Variants in CADM2 observed in about 807,000 individuals in gnomAD.
The protein encoded by CADM2 is immunoglobulin superfamily member 4D.
In CADM2, 12 loss-of-function variants were observed where a neutral mutation model predicts 49.8. The observed-to-expected ratio is 0.24, with a 90% CI of 0.15 to 0.39. The LOEUF is 0.39. Among genes scored for constraint, CADM2 ranks in the 10% least tolerant of loss-of-function variants. The pLI is 1.00. For missense variants in CADM2, 378 were observed against 492.3 expected (o/e 0.77, Z 2.20); for synonymous variants, 214 against 175.4 (o/e 1.22, Z -1.74).
intron 1 of CADM2, among the ~76,000 whole-genome samples, chr3:85,142,569 T>G (rs2039610296): frequency 6.6e-6 from 1 of 152,210 alleles, no homozygotes; most frequent in South Asian, 2.1e-4. Flanking sequence ...ATTATTTTTA[T>G]TGAAATAGTT....
At chr3:85,913,471 C>T (rs986729530) in intron 6 of CADM2, among the ~76,000 whole-genome samples, 1 of 152,064 alleles carries the variant, frequency 6.6e-6, no homozygotes, top group African/African-American at 2.4e-5. Context: ...TACATTAAAT[C>T]CTAAAATACT....
chr3:85,139,101 A>C (rs566394660), intron 1 of CADM2, among the ~76,000 whole-genome samples: 1 of 152,264 alleles, frequency 6.6e-6, no homozygotes, highest in South Asian at 2.1e-4. Flanking sequence ...GGTCAAGCAC[A>C]AGACACAGAC....
intron 1 of CADM2, among the ~76,000 whole-genome samples, chr3:85,531,935 T>C (rs1203481282): frequency 1.3e-5 from 2 of 152,140 alleles, no homozygotes; most frequent in East Asian, 1.9e-4. Context: ...CCCAGCACTT[T>C]GGGAGGCCAA....
intron 1 of CADM2, among the ~76,000 whole-genome samples, chr3:85,338,639 T>A (rs994586883): frequency 1.3e-5 from 2 of 151,588 alleles, no homozygotes; most frequent in Non-Finnish European, 3.0e-5. Flanking sequence ...ATTTCTTACA[T>A]CTTCATATAG....
Position 86,008,888 on chromosome 3 carries a change from A to G in CADM2, c.970+47241A>G, listed in dbSNP as rs1351986223. On this transcript the variant is annotated intron_variant, in intron 8 of 9. Coordinates refer to ENST00000383699, the MANE Select transcript of CADM2 (RefSeq NM_001167675.2). ...ATCTATAAAAGTTAAATTAACAAGT[A>G]TCTTCTCAATGCATTTGATGTAAAA... Among the ~76,000 whole-genome samples, 4 of 151,978 alleles carry G rather than the reference A, an allele frequency of 2.6e-5. No homozygotes were observed. In the East Asian group the frequency reaches 7.7e-4, roughly 29 times the overall value.
At chr3:85,454,992 T>C (rs996002233) in intron 1 of CADM2, among the ~76,000 whole-genome samples, 4 of 152,242 alleles carry the variant, frequency 2.6e-5, no homozygotes. Flanking sequence ...AGAAATCTTA[T>C]GTGTGATAAG....
intron 5 of CADM2, among the ~76,000 whole-genome samples, chr3:85,895,369 AT>A (rs1715084210): frequency 6.6e-6 from 1 of 152,190 alleles, no homozygotes; most frequent in Admixed American, 6.5e-5. Flanking sequence ...TAGATCCTTC[AT>A]TTTGGCCAAT....
At chr3:86,017,987 A>C (rs1490444497) in intron 8 of CADM2, among the ~76,000 whole-genome samples, 3 of 130,584 alleles carry the variant, frequency 2.3e-5, no homozygotes, top group South Asian at 2.8e-4. Context: ...CTAACTCGTC[A>C]TCTAGCATTA....
intron 1 of CADM2, among the ~76,000 whole-genome samples, chr3:85,175,919 CTTTTTTTT>C (rs11329456): frequency 5.2e-5 from 4 of 76,264 alleles, no homozygotes; most frequent in South Asian, 4.9e-4. Flanking sequence ...ATGTCCTAAT[CTTTTTTTT>C]TTTTTTTTTT....
chr3:85,476,971 T>TTTC (rs557667709), intron 1 of CADM2, among the ~76,000 whole-genome samples: 3 of 150,236 alleles, frequency 2.0e-5, no homozygotes, highest in Non-Finnish European at 4.4e-5. Context: ...CATACAATCA[T>TTTC]CTCTCTATTG....
chr3:85,525,094 C>T (rs2061130649), intron 1 of CADM2, among the ~76,000 whole-genome samples: 1 of 152,082 alleles, frequency 6.6e-6, no homozygotes, highest in South Asian at 2.1e-4. Flanking sequence ...ACAATGGCAC[C>T]TGTATACCTA....
intron 1 of CADM2, among the ~76,000 whole-genome samples, chr3:85,400,604 T>G (rs1467339841): frequency 6.6e-6 from 1 of 152,202 alleles, no homozygotes; most frequent in Non-Finnish European, 1.5e-5. Flanking sequence ...TGGTAGGCTA[T>G]TAATTATTGC....
intron 6 of CADM2, among the ~76,000 whole-genome samples, chr3:85,933,675 T>A (rs1334879119): frequency 6.6e-6 from 1 of 152,060 alleles, no homozygotes; most frequent in Admixed American, 6.6e-5. Context: ...AGAGTACCAA[T>A]GGTTTAGTTC....
At chr3:85,569,070 A>G (rs1449501454) in intron 1 of CADM2, among the ~76,000 whole-genome samples, 1 of 152,142 alleles carries the variant, frequency 6.6e-6, no homozygotes, top group Non-Finnish European at 1.5e-5. Flanking sequence ...GGAAACAGTT[A>G]AGTCCCAAAA....
chr3:85,953,433 C>T (rs887885909), intron 7 of CADM2, among the ~76,000 whole-genome samples: 2 of 150,984 alleles, frequency 1.3e-5, no homozygotes, highest in Middle Eastern at 6.8e-3. Context: ...ACATTATGGC[C>T]TCTTGAGGGC....
chr3:85,440,243 T>G (rs2037137136), intron 1 of CADM2, among the ~76,000 whole-genome samples: 1 of 152,146 alleles, frequency 6.6e-6, no homozygotes, highest in Non-Finnish European at 1.5e-5. Context: ...ATTTTAGTCA[T>G]AATTAGGAAA....
At chr3:85,271,713 A>T (rs1308794882) in intron 1 of CADM2, among the ~76,000 whole-genome samples, 5 of 146,982 alleles carry the variant, frequency 3.4e-5, no homozygotes, top group African/African-American at 7.7e-5. Context: ...CTCTTAAATT[A>T]AAAAAAAATA....
intron 8 of CADM2, among the ~76,000 whole-genome samples, chr3:85,990,656 A>C (rs1438993958): frequency 6.6e-6 from 1 of 152,186 alleles, no homozygotes; most frequent in Non-Finnish European, 1.5e-5. Context: ...ATAAATAATA[A>C]GGGTTAGCTT....
At chr3:85,280,460 C>A (rs975430663) in intron 1 of CADM2, among the ~76,000 whole-genome samples, 13 of 151,332 alleles carry the variant, frequency 8.6e-5, no homozygotes, top group African/African-American at 2.9e-4. Context: ...AGTTGTTTTT[C>A]GCTTGCAACT....
Sources: allele counts gnomAD v4.1 joint callset (sites outside exome capture counted in the v4.1 genomes callset), GRCh38; gene constraint gnomAD v4.1.1; transcripts MANE v1.5; gene names NCBI Gene and HGNC (gene_info 2026-07-23, HGNC 2026-07-21).